APBB2: variants seen among roughly 807,000 people sequenced by gnomAD.
APBB2 encodes Fe65-like 1.
In APBB2, 38 loss-of-function variants were observed where a neutral mutation model predicts 82.5. That is an observed-to-expected ratio of 0.46 (90% confidence interval 0.36 to 0.60). The LOEUF (loss-of-function observed/expected upper bound fraction) is 0.60. Ranked by LOEUF, APBB2 falls within the 20% of genes least tolerant of loss-of-function variation. The pLI, the probability that APBB2 is intolerant of heterozygous loss-of-function variation, is 0.00. For synonymous variants in APBB2, 341 were observed against 368.2 expected (o/e 0.93, Z 0.85); for missense variants, 772 against 972.3 (o/e 0.79, Z 2.74).
intron 12 of APBB2, among the ~76,000 whole-genome samples, chr4:40,851,251 G>A (rs1759244629): frequency 6.6e-6 from 1 of 152,150 alleles, no homozygotes; most frequent in Non-Finnish European, 1.5e-5. Flanking sequence ...AGATGCAAGA[G>A]TAAGAGCATT....
At chr4:41,207,465 T>C (rs1778254527) in intron 1 of APBB2, among the ~76,000 whole-genome samples, 1 of 152,126 alleles carries the variant, frequency 6.6e-6, no homozygotes, top group Admixed American at 6.5e-5. Flanking sequence ...TAAGAATTGC[T>C]AAAGAGTGTT....
At chr4:40,932,763 C>A (rs1221719128) in intron 10 of APBB2, among the ~76,000 whole-genome samples, 1 of 152,182 alleles carries the variant, frequency 6.6e-6, no homozygotes, top group Middle Eastern at 3.2e-3. Flanking sequence ...AATGCAAGCC[C>A]CCGCCCCGTT....
intron 12 of APBB2, among the ~76,000 whole-genome samples, chr4:40,845,587 T>TAA (rs1757236501): frequency 1.2e-4 from 1 of 8,018 alleles, no homozygotes; most frequent in African/African-American, 6.3e-4. Flanking sequence ...AGGAAATTCC[T>TAA]CAAAAAAAAA....
intron 5 of APBB2, among the ~76,000 whole-genome samples, chr4:41,032,964 T>C (rs1717562329): frequency 6.6e-6 from 1 of 151,228 alleles, no homozygotes; most frequent in East Asian, 1.9e-4. Flanking sequence ...TTTGTATTTT[T>C]AGTAGAGACG....
chr4:41,036,400 C>T (rs1407714109), intron 4 of APBB2, among the ~76,000 whole-genome samples: 1 of 152,144 alleles, frequency 6.6e-6, no homozygotes, highest in Non-Finnish European at 1.5e-5. Flanking sequence ...AAGAATTAGA[C>T]ATTCTGCTAA....
intron 12 of APBB2, among the ~76,000 whole-genome samples, chr4:40,874,859 C>T (rs1766460855): frequency 6.6e-6 from 1 of 152,084 alleles, no homozygotes; most frequent in African/African-American, 2.4e-5. Flanking sequence ...GTGCTCAGCT[C>T]AAAAACTTCT....
chr4:40,882,822 A>G (rs1769036984), intron 12 of APBB2, among the ~76,000 whole-genome samples: 1 of 152,178 alleles, frequency 6.6e-6, no homozygotes, highest in South Asian at 2.1e-4. Context: ...ACTGGTTTTC[A>G]CACTGCGTCG....
chr4:40,858,454 C>CAAAAAAAAAAAAAAAAAAAAAAAA (rs34433911), intron 12 of APBB2, among the ~76,000 whole-genome samples: 31 of 57,714 alleles, frequency 5.4e-4, no homozygotes, highest in South Asian at 8.2e-4. Context: ...GAGTCCGTCT[C>CAAAAAAAAAAAAAAAAAAAAAAAA]AAAAAAAAAA....
At chr4:41,012,830 G>C (rs7680451) in intron 6 of APBB2, among the ~76,000 whole-genome samples, 94,677 of 152,030 alleles carry the variant, frequency 0.62, 29,775 homozygotes, top group East Asian at 0.71. Flanking sequence ...TTCAATCTTA[G>C]AATCAGTATA....
chr4:40,992,208 T>C (rs866459101), intron 6 of APBB2, among the ~76,000 whole-genome samples: 1 of 152,344 alleles, frequency 6.6e-6, no homozygotes, highest in African/African-American at 2.4e-5. Context: ...GGTCTCACTC[T>C]GTTGCACAAG....
At position 40,815,750 on chromosome 4, in the gene APBB2, T is replaced by C; in HGVS notation, c.*342A>G. The C allele has an allele frequency of 4.3e-6, 1 of 230,470 alleles. No individual in the cohort carries two copies. 14.3% of individuals were successfully genotyped at this position (230,470 alleles called of 1,614,324 possible). On this transcript the variant is annotated 3_prime_UTR_variant, in exon 18 of 18. Coordinates refer to ENST00000508593, the MANE Select transcript of APBB2 (RefSeq NM_004307.2). Reference sequence around the variant, plus strand: ...GACAGTGAAACTAACTCACGCATCATTCATTCCAAGGACGCAGCGTTAGTT... The same window carrying C: ...GACAGTGAAACTAACTCACGCATCACTCATTCCAAGGACGCAGCGTTAGTT...
intron 11 of APBB2, 64 bp downstream of exon 11, chr4:40,893,201 G>A: frequency 6.3e-7 from 1 of 1,581,002 alleles, no homozygotes; most frequent in Non-Finnish European, 8.6e-7. Flanking sequence ...ACTGAGCTGT[G>A]GGGCTTCCTG....
chr4:40,985,084 AT>A (rs545253152), intron 6 of APBB2, among the ~76,000 whole-genome samples: 116 of 147,478 alleles, frequency 7.9e-4, no homozygotes, highest in Non-Finnish European at 1.1e-3. Context: ...CACCCAGCTA[AT>A]TTTTTTTTTT....
intron 6 of APBB2, among the ~76,000 whole-genome samples, chr4:40,948,673 T>C (rs1789125457): frequency 6.8e-6 from 1 of 147,796 alleles, no homozygotes; most frequent in African/African-American, 2.5e-5. Context: ...GGAAGGAGAA[T>C]CACTTGAACC....
chr4:40,816,047 C>T lies in APBB2; in HGVS notation c.*45G>A, dbSNP rs1745513056. On this transcript the variant is annotated 3_prime_UTR_variant, in exon 18 of 18. Transcript: ENST00000508593. ...GCGGAGTTCATTTTCTTTAGTGTAG[C>T]TAGTCAATCTTCAGGTAAATAGCCG... is the stretch of plus-strand genomic sequence containing the variant. The T allele has an allele frequency of 1.3e-6, 2 of 1,594,748 alleles. No homozygotes were observed. The highest frequency in any genetic ancestry group is 1.7e-6 in the Non-Finnish European group (2 of 1,165,520).
chr4:41,015,326 T>C (rs1809598807), intron 5 of APBB2, among the ~76,000 whole-genome samples: 6 of 152,238 alleles, frequency 3.9e-5, no homozygotes, highest in Admixed American at 2.6e-4. Context: ...CAAGAATTCC[T>C]AAGGTTTCAG....
intron 1 of APBB2, among the ~76,000 whole-genome samples, chr4:41,154,226 T>C (rs74821975): frequency 0.042 from 6,385 of 152,318 alleles, 212 homozygotes; most frequent in Non-Finnish European, 0.063. Flanking sequence ...GCCTTGTTTT[T>C]TTCCTCCAAT....
chr4:40,867,028 T>G (rs189082064), intron 12 of APBB2, among the ~76,000 whole-genome samples: 17 of 152,340 alleles, frequency 1.1e-4, no homozygotes, highest in Non-Finnish European at 2.4e-4. Context: ...AATGTTGAGA[T>G]TACAGGCATG....
intron 10 of APBB2, among the ~76,000 whole-genome samples, chr4:40,929,602 T>C (rs1223304682): frequency 6.6e-6 from 1 of 152,016 alleles, no homozygotes; most frequent in South Asian, 2.1e-4. Flanking sequence ...ACTGGGCCAA[T>C]AAGGGGAAAT....
Sources: allele counts gnomAD v4.1 joint callset (sites outside exome capture counted in the v4.1 genomes callset), GRCh38; gene constraint gnomAD v4.1.1; transcripts MANE v1.5; gene names NCBI Gene and HGNC (gene_info 2026-07-23, HGNC 2026-07-21).